The following RNF144B variants were observed in gnomAD, a reference collection of about 807,000 sequenced individuals.
RNF144B encodes the protein ring finger protein 144B.
Under a neutral mutation model 40.2 loss-of-function variants are expected in RNF144B, and 25 were observed. That is an observed-to-expected ratio of 0.62 (90% confidence interval 0.45 to 0.87). RNF144B has a LOEUF of 0.87. RNF144B is among the 40% of genes least tolerant of loss of function. The pLI, the probability that RNF144B is intolerant of heterozygous loss-of-function variation, is 0.00. For synonymous variants in RNF144B, 145 were observed against 136.3 expected (o/e 1.06, Z -0.44); for missense variants, 365 against 373.7 (o/e 0.98, Z 0.19).
chr6:18,414,101 G>C lies in RNF144B; in HGVS notation c.166-13480G>C, dbSNP rs999287307. 6.6e-6 allele frequency among the ~76,000 whole-genome samples: 1 copy of C among 152,178 alleles called. No homozygotes were observed. Among genetic ancestry groups the C allele is most frequent in the Non-Finnish European group, 1.5e-5 (1 of 68,024 alleles). ...TGAGGTGAGGAATAGTCGTGGTCTTGATGCAATGTAACTTATAATTAGAAA... is the reference window on the plus strand; with the variant it reads ...TGAGGTGAGGAATAGTCGTGGTCTTCATGCAATGTAACTTATAATTAGAAA... On this transcript the variant is annotated intron_variant, in intron 2 of 7. Coordinates refer to ENST00000259939, the MANE Select transcript of RNF144B (RefSeq NM_182757.4). This position sits in a 1 kb window ranked among gnomAD's most constrained non-coding sequence, Gnocchi z 4.9.
At chr6:18,421,271 TATACACACACACACAC>T (rs70974742) in intron 2 of RNF144B, among the ~76,000 whole-genome samples, 37,865 of 130,918 alleles carry the variant, frequency 0.29, 5,422 homozygotes, top group Non-Finnish European at 0.35. Flanking sequence ...AATTATATAT[TATACACACACACACAC>T]ACACACACAC....
In RNF144B at chr6:18,416,029, C is replaced by T. The variant is rs1012012985; in HGVS notation, c.166-11552C>T. Among the ~76,000 whole-genome samples, 1 of 152,058 alleles carries T rather than the reference C, an allele frequency of 6.6e-6. No homozygotes were observed. Among genetic ancestry groups the T allele is most frequent in the East Asian group, 1.9e-4 (1 of 5,182 alleles). On this transcript the variant is annotated intron_variant, in intron 2 of 7. Transcript: ENST00000259939. The surrounding 1 kb of genome is among the most constrained non-coding windows in gnomAD (Gnocchi z 5.5). ...CCTGTGCTGGGTCTGTGTGCTAAGG[C>T]TTTGGTGTCAGCTGAGGGCTTACAG...
intron 1 of RNF144B, among the ~76,000 whole-genome samples, chr6:18,392,627 C>T (rs1324606850): frequency 6.6e-6 from 1 of 152,052 alleles, no homozygotes; most frequent in Non-Finnish European, 1.5e-5. Flanking sequence ...AAATAAAGTG[C>T]TTTTTGAGCA....
chr6:18,459,085 C>T lies in RNF144B; in HGVS notation c.537-522C>T, dbSNP rs542260567. ...TAGCTAAAGTGTTACATGGTGCTAT[C>T]GCTCACTCCAATTCCTGTTGCTTAT... On this transcript the variant is annotated intron_variant, in intron 5 of 7. Coordinates refer to ENST00000259939, the MANE Select transcript of RNF144B (RefSeq NM_182757.4). This position sits in a 1 kb window ranked among gnomAD's most constrained non-coding sequence, Gnocchi z 4.2. 2.6e-5 allele frequency among the ~76,000 whole-genome samples: 4 copies of T among 152,276 alleles called. No individual in the cohort carries two copies. Among genetic ancestry groups the T allele is most frequent in the Non-Finnish European group, 4.4e-5 (3 of 68,016 alleles).
rs149929647 is a variant in RNF144B at position 18,452,793 on chromosome 6, T to G, written c.332-4362T>G. Among the ~76,000 whole-genome samples, 334 of 152,276 alleles carry G rather than the reference T, an allele frequency of 2.2e-3. 1 individual carries two copies. The highest frequency in any genetic ancestry group is 7.9e-3 in the African/African-American group (328 of 41,572). ...TTTCTATATATACATATTTTTATTT[T>G]ATTTATTTTGAGACAGTGTTTCTCT... On this transcript the variant is annotated intron_variant, in intron 4 of 7. Transcript: ENST00000259939.
At chr6:18,436,749 T>C (rs1419845653) in intron 3 of RNF144B, among the ~76,000 whole-genome samples, 2 of 152,208 alleles carry the variant, frequency 1.3e-5, no homozygotes, top group African/African-American at 2.4e-5. Context: ...GTAGCCCTTT[T>C]ACCTGCAGCC....
At chr6:18,454,739 C>A (rs1190071507) in intron 4 of RNF144B, among the ~76,000 whole-genome samples, 2 of 152,198 alleles carry the variant, frequency 1.3e-5, no homozygotes, top group African/African-American at 4.8e-5. Flanking sequence ...CCTATAATTT[C>A]TCCTTTATTT....
rs1758518075 is a variant in RNF144B at position 18,425,059 on chromosome 6, GT to G, written c.166-2521del. Reference sequence around the variant, plus strand: ...CACGTGTATGTGTGTATGTGTGGGTGTGTGTGTGTGTGTGTTAAAACCTGTG... The same window carrying G: ...CACGTGTATGTGTGTATGTGTGGGTGGTGTGTGTGTGTGTTAAAACCTGTG... On this transcript the variant is annotated intron_variant, in intron 2 of 7. Coordinates refer to ENST00000259939, the MANE Select transcript of RNF144B (RefSeq NM_182757.4). The surrounding 1 kb of genome is among the most constrained non-coding windows in gnomAD (Gnocchi z 4.2). Among the ~76,000 whole-genome samples the G allele has an allele frequency of 8.5e-6, 1 of 117,222 alleles. No individual in the cohort carries two copies. Among genetic ancestry groups the G allele is most frequent in the Non-Finnish European group, 2.1e-5 (1 of 48,440 alleles). The allele number at this position is 117,222 out of a possible 152,430, so 76.9% of individuals were successfully genotyped here.
Position 18,399,481 on chromosome 6 carries a change from CT to C in RNF144B, c.-36-15del. The stretch of plus-strand genomic sequence containing the variant: ...TTATCAATCCATATAATATTTTCTG[CT>C]TTGGACCTTTCTATAGGGATTGAGG... On this transcript the variant is annotated splice_polypyrimidine_tract_variant and intron_variant, in intron 1 of 7. Transcript: ENST00000259939. The C allele has an allele frequency of 6.4e-7, 1 of 1,567,880 alleles. No individual in the cohort carries two copies. The highest frequency in any genetic ancestry group is 1.1e-5 in the South Asian group (1 of 87,836).
Position 18,442,565 on chromosome 6 carries a change from A to G in RNF144B, c.331+2821A>G, listed in dbSNP as rs1273960043. Among the ~76,000 whole-genome samples, 1 of 152,208 alleles carries G rather than the reference A, an allele frequency of 6.6e-6. No homozygotes were observed. The highest frequency in any genetic ancestry group is 1.5e-5 in the Non-Finnish European group (1 of 68,042). On this transcript the variant is annotated intron_variant, in intron 4 of 7. Transcript: ENST00000259939. The surrounding 1 kb of genome is among the most constrained non-coding windows in gnomAD (Gnocchi z 4.3). ...TTGTTATTAAACATATACCTAACAT[A>G]AAAGTTGCCATTTAAACCATTTTTA...
chr6:18,457,446 G>C lies in RNF144B; in HGVS notation c.536+87G>C, dbSNP rs914123771. ...TTACGTGTAGAAGGAGTTACGTTGT[G>C]ATGGCGTTTAGAGATTGGTTATTTT... On this transcript the variant is annotated intron_variant, in intron 5 of 7. Coordinates refer to ENST00000259939, the MANE Select transcript of RNF144B (RefSeq NM_182757.4). The surrounding 1 kb of genome is among the most constrained non-coding windows in gnomAD (Gnocchi z 5.1). 2 of 1,018,450 alleles carry C rather than the reference G, an allele frequency of 2.0e-6. No homozygotes were observed. 63.1% of individuals were successfully genotyped at this position (1,018,450 alleles called of 1,614,324 possible).
At position 18,458,886 on chromosome 6, in the gene RNF144B, A is replaced by G. The variant is rs1759391480; in HGVS notation, c.537-721A>G. On this transcript the variant is annotated intron_variant, in intron 5 of 7. Transcript: ENST00000259939. The surrounding 1 kb of genome is among the most constrained non-coding windows in gnomAD (Gnocchi z 4.8). ...TCCTTTGTCATGTTGGCACTCAAAA[A>G]GTTTCAGATTTTGGAGCATTTTGGA... Among the ~76,000 whole-genome samples, 1 of 152,220 alleles carries G rather than the reference A, an allele frequency of 6.6e-6. No individual in the cohort carries two copies. The highest frequency in any genetic ancestry group is 1.5e-5 in the Non-Finnish European group (1 of 68,044).
chr6:18,453,406 G>A (rs1256998377), intron 4 of RNF144B, among the ~76,000 whole-genome samples: 2 of 152,038 alleles, frequency 1.3e-5, no homozygotes, highest in African/African-American at 2.4e-5. Context: ...CCAAAGTGCT[G>A]GGACTACAGG....
In RNF144B at chr6:18,448,287, G is replaced by A. The variant is rs897613911; in HGVS notation, c.331+8543G>A. On this transcript the variant is annotated intron_variant, in intron 4 of 7. Coordinates refer to ENST00000259939, the MANE Select transcript of RNF144B (RefSeq NM_182757.4). The surrounding 1 kb of genome is among the most constrained non-coding windows in gnomAD (Gnocchi z 4.0). ...AACGGATTTCAGTGCCAGATGGAGG[G>A]ATTGGATTTACTTGGGGGTAGGTTT... Among the ~76,000 whole-genome samples the A allele has an allele frequency of 1.3e-5, 2 of 152,024 alleles. No individual in the cohort carries two copies. The highest frequency in any genetic ancestry group is 4.8e-5 in the African/African-American group (2 of 41,388).
rs969513787 is a variant in RNF144B, at chr6:18,447,460, A to G, written c.331+7716A>G. Among the ~76,000 whole-genome samples the G allele has an allele frequency of 2.2e-4, 34 of 152,184 alleles. No individual in the cohort carries two copies. Among genetic ancestry groups the G allele is most frequent in the Admixed American group, 1.0e-3 (16 of 15,270 alleles). Reference sequence around the variant, plus strand: ...TGAAGTCTTAGTGGGATGAGAAGCCATTGGAGGGTTTGGATCAGGGGAATG... The same window carrying G: ...TGAAGTCTTAGTGGGATGAGAAGCCGTTGGAGGGTTTGGATCAGGGGAATG... On this transcript the variant is annotated intron_variant, in intron 4 of 7. Transcript: ENST00000259939. This position sits in a 1 kb window ranked among gnomAD's most constrained non-coding sequence, Gnocchi z 5.6.
At chr6:18,411,579 T>C (rs966437699) in intron 2 of RNF144B, among the ~76,000 whole-genome samples, 2 of 137,288 alleles carry the variant, frequency 1.5e-5, no homozygotes, top group African/African-American at 2.7e-5. Flanking sequence ...TCTCGGCTCA[T>C]TGCAATCTCT....
At chr6:18,438,658 G>A (rs957005389) in intron 3 of RNF144B, among the ~76,000 whole-genome samples, 5 of 152,066 alleles carry the variant, frequency 3.3e-5, no homozygotes, top group Non-Finnish European at 5.9e-5. Flanking sequence ...AATTTTAGCT[G>A]CATCATTTTC....
At chr6:18,427,770 GGAGTC>G in intron 3 of RNF144B, 85 bp downstream of exon 3, 23 of 894,854 alleles carry the variant, frequency 2.6e-5, no homozygotes, top group Non-Finnish European at 3.9e-5. Context: ...TCCCTACCAG[GGAGTC>G]TAGCAAGAAA....
At chr6:18,404,257 A>G (rs1300140346) in intron 2 of RNF144B, among the ~76,000 whole-genome samples, 1 of 152,104 alleles carries the variant, frequency 6.6e-6, no homozygotes, top group African/African-American at 2.4e-5. Context: ...TCCTATTTCT[A>G]CCTCTGTTTC....
Sources: allele counts gnomAD v4.1 joint callset (sites outside exome capture counted in the v4.1 genomes callset), GRCh38; gene constraint gnomAD v4.1.1; non-coding constraint Gnocchi (gnomAD v3.1); transcripts MANE v1.5; gene names NCBI Gene and HGNC (gene_info 2026-07-23, HGNC 2026-07-21).